ISYNA1: variants seen among roughly 807,000 people sequenced by gnomAD.
ISYNA1 encodes MI-1-P synthase.
Under a neutral mutation model 50.3 loss-of-function variants are expected in ISYNA1, and 34 were observed. That is an observed-to-expected ratio of 0.68 (90% CI 0.51 to 0.90). The LOEUF (loss-of-function observed/expected upper bound fraction) is 0.90. Ranked by LOEUF, ISYNA1 falls within the 40% of genes least tolerant of loss-of-function variation. The pLI is 0.00. For missense variants in ISYNA1, 718 were observed against 784.8 expected, an observed-to-expected ratio of 0.91 and a Z score of 1.02; for synonymous variants, 396 against 349.9, an observed-to-expected ratio of 1.13 and a Z score of -1.47.
chr19:18,436,498 G>T lies in ISYNA1; in HGVS notation c.610-19C>A. 1 of 1,602,176 alleles carries T rather than the reference G, an allele frequency of 6.2e-7. No individual in the cohort carries two copies. Among genetic ancestry groups the T allele is most frequent in the South Asian group, 1.1e-5 (1 of 91,052 alleles). ...GCTCCAGCTGTGGGTTGGATGGTGA[G>T]GGTGTGGGGAGGATGGAGAGGGTGT... On this transcript the variant is annotated intron_variant, in intron 5 of 10. Coordinates refer to ENST00000338128, the MANE Select transcript of ISYNA1 (RefSeq NM_016368.5).
Position 18,434,732 on chromosome 19 carries a change from G to A in ISYNA1, c.*181C>T, listed in dbSNP as rs1444749865. On this transcript the variant is annotated 3_prime_UTR_variant, in exon 11 of 11. Coordinates refer to ENST00000338128, the MANE Select transcript of ISYNA1 (RefSeq NM_016368.5). ...GGTGATGACCATGGGCAGAGGGGAT[G>A]GGACTGAAGCTGGGCGCTCAAGAGT... The A allele has an allele frequency of 8.2e-6, 5 of 612,558 alleles. No homozygotes were observed. In the East Asian group the frequency reaches 1.4e-4, roughly 17 times the overall value. The allele number at this position is 612,558 out of a possible 1,614,324, so 37.9% of individuals were successfully genotyped here.
At chr19:18,436,911 T>A (rs1343715003) in intron 4 of ISYNA1, 34 bp from the exon 5 acceptor site, 1 of 1,597,700 alleles carries the variant, frequency 6.3e-7, no homozygotes, top group East Asian at 2.2e-5. Context: ...CCTGCCCGGA[T>A]CCTGGGCCCC....
In ISYNA1 at chr19:18,437,756, T is replaced by C. The variant is rs1974123108; in HGVS notation, c.125A>G (p.His42Arg). 1.1e-5 allele frequency: 18 copies of C among 1,578,624 alleles called. No individual in the cohort carries two copies. Among genetic ancestry groups the C allele is most frequent in the Non-Finnish European group, 1.5e-5 (17 of 1,165,470 alleles). Reference sequence around the variant, plus strand: ...GAAGGTGAAGCGCGTGGACGTGGGGTGCACCTGAAGACAGGCCGCGCAGTG... The same window carrying C: ...GAAGGTGAAGCGCGTGGACGTGGGGCGCACCTGAAGACAGGCCGCGCAGTG... ...VSREGGVLKV[H>R]PTSTRFTFRT... The change falls in exon 3 of 11, where the codon CAC becomes CGC. Residue 42 changes from histidine to arginine, a missense_variant. Transcript: ENST00000338128.
rs138475386 is a variant in ISYNA1, at chr19:18,435,559, G to T, written c.1254+4C>A. 4,362 of 1,604,012 alleles carry T rather than the reference G, an allele frequency of 2.7e-3. 7 individuals carry two copies. The highest frequency in any genetic ancestry group is 3.2e-3 in the Non-Finnish European group (3,813 of 1,175,892). The stretch of plus-strand genomic sequence containing the variant: ...CCATAGCAGCCCCTGAAGCCGCGCC[G>T]CACCTCACACGTGTTGTGCAGCACC... On this transcript the variant is annotated splice_donor_region_variant and intron_variant, in intron 9 of 10. Coordinates refer to ENST00000338128, the MANE Select transcript of ISYNA1 (RefSeq NM_016368.5).
At position 18,436,761 on chromosome 19, in the gene ISYNA1, C is replaced by T. The variant is rs1367372187; in HGVS notation, c.532G>A (p.Val178Ile). 2.5e-6 allele frequency: 4 copies of T among 1,575,936 alleles called. No homozygotes were observed. Among genetic ancestry groups the T allele is most frequent in the African/African-American group, 2.7e-5 (2 of 73,326 alleles). ...HMEALRPRPSVYIPEFIAANQ... is the reference protein window; with the variant it reads ...HMEALRPRPSIYIPEFIAANQ... The stretch of plus-strand genomic sequence containing the variant: ...GCCGCGATGAATTCGGGGATGTAAA[C>T]AGAAGGCCGGGGCCGCAGGGCCTCC... The change falls in exon 5 of 11, where the codon GTT (valine) becomes ATT (isoleucine). Residue 178 changes from valine to isoleucine, a missense_variant. Physicochemically the swap from Val to Ile is conservative, Grantham distance 29. This residue lies in a region of ISYNA1 where 403 missense variants were observed against 466.6 expected (regional missense o/e 0.86). Transcript: ENST00000338128.
chr19:18,437,558 C>G (rs746701722), intron 3 of ISYNA1, 41 bp downstream of exon 3: 1 of 1,398,074 alleles, frequency 7.2e-7, no homozygotes, highest in Non-Finnish European at 9.3e-7. Context: ...GCAAGGACTC[C>G]CACCAAGCCT....
In ISYNA1 at chr19:18,437,318, C is replaced by T. The variant is rs1974100438; in HGVS notation, c.283-213G>A. 11 of 1,413,472 alleles carry T rather than the reference C, an allele frequency of 7.8e-6. No individual in the cohort carries two copies. The South Asian group carries it at 1.2e-4, about 16-fold the overall frequency. 87.6% of individuals were successfully genotyped at this position (1,413,472 alleles called of 1,614,324 possible). On this transcript the variant is annotated intron_variant, in intron 3 of 10. Transcript: ENST00000338128. The stretch of plus-strand genomic sequence containing the variant: ...GCCCCTGTAAGACTCCCGAGGAGTC[C>T]CCGCTACCTCGCGAAACCCTTCCAC...
rs773499760 is a variant in ISYNA1 at position 18,435,569 on chromosome 19, C to T, written c.1248G>A (p.Thr416=). 3.7e-6 allele frequency: 6 copies of T among 1,606,636 alleles called. No homozygotes were observed. In the South Asian group the frequency reaches 5.5e-5, roughly 15 times the overall value. ...CCCTGAAGCCGCGCCGCACCTCACA[C>T]GTGTTGTGCAGCACCAGTGTGTTGG... The part of the protein sequence containing the change: ...GGTNTLVLHN[T]CEDSLLAAPI... The change falls in exon 9 of 11, where the codon ACG becomes ACA. Residue 416 remains threonine (T), a synonymous_variant. Transcript: ENST00000338128.
At chr19:18,436,300 C>A (rs780982383) in intron 6 of ISYNA1, 30 bp downstream of exon 6, 13 of 1,609,820 alleles carry the variant, frequency 8.1e-6, no homozygotes, top group Non-Finnish European at 1.1e-5. Context: ...CTGGCCCTGC[C>A]TGACCCGCTC....
chr19:18,435,273 T>C lies in ISYNA1; in HGVS notation c.1465A>G (p.Ile489Val). 6.2e-7 allele frequency: 1 copy of C among 1,605,254 alleles called. No homozygotes were observed. The highest frequency in any genetic ancestry group is 8.5e-7 in the Non-Finnish European group (1 of 1,178,970). Residue 489 changes from isoleucine to valine, a missense_variant, in exon 10 of 11, where the codon ATC becomes GTC. Transcript: ENST00000338128. The part of the protein sequence containing the change: ...LFRQRSCIEN[I>V]LRACVGLPPQ... ...CTGGAGGCTGGGGTGCACCTGAGGA[T>C]GTTCTCGATGCAGCTGCGCTGGCGG... is the stretch of plus-strand genomic sequence containing the variant.
chr19:18,437,293 G>A (rs1600399643), intron 3 of ISYNA1, 188 bp from the exon 4 acceptor site: 2 of 1,421,340 alleles, frequency 1.4e-6, no homozygotes, highest in Non-Finnish European at 1.8e-6. Context: ...CTTAAGCTCC[G>A]CCCCTGTAAG....
rs11552754 is a variant in ISYNA1, at chr19:18,437,045, C to T, written c.343G>A (p.Glu115Lys). 5.6e-6 allele frequency: 9 copies of T among 1,605,948 alleles called. No individual in the cohort carries two copies. The highest frequency in any genetic ancestry group is 1.3e-5 in the African/African-American group (1 of 74,950). The change falls in exon 4 of 11, where the codon GAG (glutamate) becomes AAG (lysine). Residue 115 changes from glutamate (E) to lysine (K), a missense_variant. By Grantham distance (56) the Glu-to-Lys change is moderately conservative. Around this residue, in one of 3 missense-constraint regions of ISYNA1, gnomAD observed 403 missense variants for 466.6 expected, o/e 0.86. Coordinates refer to ENST00000338128, the MANE Select transcript of ISYNA1 (RefSeq NM_016368.5). ...AAGGGTACGAACACCTCCTGGCCCT[C>T]GGCGTCCAGGCCCAGGCTCACGGTG... ...AGTVSLGLDA[E>K]GQEVFVPFSA...
intron 10 of ISYNA1, 63 bp downstream of exon 10, chr19:18,435,203 T>G: frequency 1.9e-6 from 3 of 1,586,192 alleles, no homozygotes; most frequent in Non-Finnish European, 2.6e-6. Flanking sequence ...CCCCAAGCCC[T>G]GTGCATAGCT....
At chr19:18,438,015 C>T (rs1406809434) in intron 1 of ISYNA1, 27 bp from the exon 2 acceptor site, 1 of 1,535,844 alleles carries the variant, frequency 6.5e-7, no homozygotes, top group Non-Finnish European at 8.7e-7. Flanking sequence ...AGCAGGGGGT[C>T]AGCGGGGACT....
rs751890711 is a variant in ISYNA1 at position 18,435,328 on chromosome 19, C to T, written c.1410G>A (p.Pro470=). 3.7e-6 allele frequency: 6 copies of T among 1,609,548 alleles called. No individual in the cohort carries two copies. Among genetic ancestry groups the T allele is most frequent in the African/African-American group, 2.7e-5 (2 of 75,054 alleles). ...LSFLFKAPLV[P]PGSPVVNALF... is the part of the protein sequence containing the mutation. ...GCGCATTGACCACCGGGCTGCCGGG[C>T]GGCACTAGTGGCGCCTTGAAGAGGA... The change falls in exon 10 of 11, where the codon CCG becomes CCA. Residue 470 remains proline, a synonymous_variant. Transcript: ENST00000338128.
rs1320195241 is a variant in ISYNA1 at position 18,436,485 on chromosome 19, G to A, written c.610-6C>T. Reference sequence around the variant, plus strand: ...TCCCTGCGGATCTGCTCCAGCTGTGGGTTGGATGGTGAGGGTGTGGGGAGG... The same window carrying A: ...TCCCTGCGGATCTGCTCCAGCTGTGAGTTGGATGGTGAGGGTGTGGGGAGG... On this transcript the variant is annotated splice_polypyrimidine_tract_variant and splice_region_variant and intron_variant, in intron 5 of 10. Coordinates refer to ENST00000338128, the MANE Select transcript of ISYNA1 (RefSeq NM_016368.5). 9 of 1,603,822 alleles carry A rather than the reference G, an allele frequency of 5.6e-6. No individual in the cohort carries two copies. The highest frequency in any genetic ancestry group is 7.6e-6 in the Non-Finnish European group (9 of 1,179,838).
chr19:18,435,017 A>AG lies in ISYNA1; in HGVS notation c.1572dup (p.Tyr525LeufsTer20). On this transcript the variant is annotated frameshift_variant, in exon 11 of 11. Coordinates refer to ENST00000338128, the MANE Select transcript of ISYNA1 (RefSeq NM_016368.5). LOFTEE classifies it low-confidence loss of function (END_TRUNC). ...GGTCCTTTCTTGTTCAACATAGGGT[A>AG]GGTGGCAGCCACGGGTCCAACTCGC... is the stretch of plus-strand genomic sequence containing the variant. 1.2e-6 allele frequency: 2 copies of AG among 1,613,518 alleles called. No homozygotes were observed. The highest frequency in any genetic ancestry group is 1.7e-6 in the Non-Finnish European group (2 of 1,179,990).
Position 18,435,611 on chromosome 19 carries a change from C to A in ISYNA1, c.1206G>T (p.Glu402Asp). The change falls in exon 9 of 11, where the codon GAG becomes GAT. Residue 402 changes from glutamate to aspartate, a missense_variant. Physicochemically the swap from Glu to Asp is conservative, Grantham distance 45. Coordinates refer to ENST00000338128, the MANE Select transcript of ISYNA1 (RefSeq NM_016368.5). ...GTGTGTTGGTTCCGCCCAGCATCAG[C>A]TCCGAGGTATACTCATCCAGCGCGC... ...SKRALDEYTS[E>D]LMLGGTNTLV... The A allele has an allele frequency of 6.2e-7, 1 of 1,611,066 alleles. No homozygotes were observed. Among genetic ancestry groups the A allele is most frequent in the Non-Finnish European group, 8.5e-7 (1 of 1,178,920 alleles).
rs761408852 is a variant in ISYNA1 at position 18,435,925 on chromosome 19, T to C, written c.976-4A>G. 2 of 1,613,852 alleles carry C rather than the reference T, an allele frequency of 1.2e-6. No homozygotes were observed. The highest frequency in any genetic ancestry group is 1.6e-4 in the Middle Eastern group (1 of 6,062). The stretch of plus-strand genomic sequence containing the variant: ...TGTAACTCACGATGGACATGGTCTG[T>C]GGGTACAAGGGAAGCCCCAGCAGCT... On this transcript the variant is annotated splice_polypyrimidine_tract_variant and splice_region_variant and intron_variant, in intron 7 of 10. Transcript: ENST00000338128.
Sources: gnomAD v4.1 joint callset for allele counts on GRCh38, gnomAD v4.1.1 for gene constraint, gnomAD v4.1.1 regional missense constraint, MANE v1.5 for transcripts, NCBI Gene and HGNC (gene_info 2026-07-23, HGNC 2026-07-21) for gene names.